Variants in CCSER2 observed in about 807,000 individuals in gnomAD.
CCSER2 encodes the protein coiled-coil serine rich protein 2, also known as serine-rich coiled-coil domain-containing protein 2.
CCSER2 carries 46 observed loss-of-function variants against 92.3 expected under a neutral mutation model. That is an observed-to-expected ratio of 0.50 (90% CI 0.39 to 0.64). The LOEUF (loss-of-function observed/expected upper bound fraction) is 0.64, where lower values mean the gene tolerates loss of function less well. Ranked by LOEUF, CCSER2 falls within the 30% of genes least tolerant of loss-of-function variation. The pLI is 0.00. For missense variants in CCSER2, 1,244 were observed against 1,238.9 expected (o/e 1.00, Z -0.06); for synonymous variants, 433 against 431.4 (o/e 1.00, Z -0.04).
chr10:84,347,467 C>A (rs1424096527), intron 1 of CCSER2, among the ~76,000 whole-genome samples: 1 of 149,896 alleles, frequency 6.7e-6, no homozygotes, highest in Non-Finnish European at 1.5e-5. Flanking sequence ...GCTGACCCCC[C>A]ACCTCCCTCC....
intron 1 of CCSER2, among the ~76,000 whole-genome samples, chr10:84,354,551 C>T (rs1845054104): frequency 7.2e-6 from 1 of 138,026 alleles, no homozygotes; most frequent in Admixed American, 7.3e-5. Context: ...CCCCCGCCCC[C>T]CGCCCCGCTT....
At chr10:84,499,763 G>A (rs765122456) in intron 9 of CCSER2, 13 of 939,718 alleles carry the variant, frequency 1.4e-5, no homozygotes, top group African/African-American at 8.2e-5. Context: ...CTGTCTTCTC[G>A]TTAACACTAT....
chr10:84,457,568 T>A lies in CCSER2; in HGVS notation c.2065-6365T>A, dbSNP rs58542399. On this transcript the variant is annotated intron_variant, in intron 6 of 9. Transcript: ENST00000372088. ...ATAATGTATATTATTATATATAAAT[T>A]TATATTTATATATTATATATAATTA... Among the ~76,000 whole-genome samples, 5 of 95,154 alleles carry A rather than the reference T, an allele frequency of 5.3e-5. No individual in the cohort carries two copies. In the South Asian group the frequency reaches 1.2e-3, roughly 22 times the overall value. The allele number at this position is 95,154 out of a possible 152,430, so 62.4% of individuals were successfully genotyped here.
chr10:84,436,228 A>T (rs1258869916), intron 5 of CCSER2, among the ~76,000 whole-genome samples: 1 of 145,608 alleles, frequency 6.9e-6, no homozygotes, highest in Non-Finnish European at 1.5e-5. Flanking sequence ...CGGGAGGCTG[A>T]GGCAGGAGAA....
chr10:84,377,291 A>G (rs1365154011), intron 3 of CCSER2, among the ~76,000 whole-genome samples: 4 of 152,068 alleles, frequency 2.6e-5, no homozygotes, highest in African/African-American at 9.7e-5. Flanking sequence ...ATATGTTTCA[A>G]TGTTTTGCTC....
chr10:84,476,668 C>A (rs908894514), intron 8 of CCSER2, among the ~76,000 whole-genome samples: 6 of 152,002 alleles, frequency 3.9e-5, no homozygotes, highest in African/African-American at 1.4e-4. Context: ...TGGTCTGCTT[C>A]TCCTGACCTC....
intron 9 of CCSER2, among the ~76,000 whole-genome samples, chr10:84,481,847 T>C (rs1320555800): frequency 6.6e-6 from 1 of 152,014 alleles, no homozygotes; most frequent in Non-Finnish European, 1.5e-5. Context: ...TATTCCAGAA[T>C]TGAGAATGCC....
intron 1 of CCSER2, among the ~76,000 whole-genome samples, chr10:84,331,038 G>A (rs1843536283): frequency 6.6e-6 from 1 of 152,126 alleles, no homozygotes; most frequent in African/African-American, 2.4e-5. Context: ...AGTTGTGAGC[G>A]ACTTGGATGT....
At chr10:84,395,192 C>G (rs1168978640) in intron 3 of CCSER2, among the ~76,000 whole-genome samples, 1 of 149,402 alleles carries the variant, frequency 6.7e-6, no homozygotes. Context: ...CCACTGCACT[C>G]CAGCCTGGGT....
chr10:84,395,119 G>A (rs890835806), intron 3 of CCSER2, among the ~76,000 whole-genome samples: 1 of 151,740 alleles, frequency 6.6e-6, no homozygotes, highest in African/African-American at 2.4e-5. Context: ...AGCTACTTGG[G>A]AAGCTGAGGT....
rs1373723182 is a variant in CCSER2 at position 84,514,118 on chromosome 10, G to C, written c.2995G>C (p.Glu999Gln). The part of the protein sequence containing the change: ...KQKQTNSPQL[E>Q]PQSFQAKTSI... ...AAAACAAACAAACAGCCCCCAACTA[G>C]AGCCTCAAAGCTTCCAGGCCAAGAC... The change falls in exon 10 of 10, where the codon GAG becomes CAG. Residue 999 changes from glutamate to glutamine, a missense_variant. Physicochemically the swap from Glu to Gln is conservative, Grantham distance 29. Coordinates refer to ENST00000372088, the MANE Select transcript of CCSER2 (RefSeq NM_001284240.2). The C allele has an allele frequency of 2.0e-6, 3 of 1,536,080 alleles. 1 individual carries two copies. Among genetic ancestry groups the C allele is most frequent in the South Asian group, 2.4e-5 (2 of 84,036 alleles).
chr10:84,437,650 C>T (rs964683859), intron 5 of CCSER2, among the ~76,000 whole-genome samples: 1 of 149,956 alleles, frequency 6.7e-6, no homozygotes, highest in Admixed American at 6.6e-5. Context: ...TATTTTTTTC[C>T]TTATTCAGCA....
At chr10:84,367,657 T>C (rs1169046366) in intron 1 of CCSER2, among the ~76,000 whole-genome samples, 3 of 152,030 alleles carry the variant, frequency 2.0e-5, no homozygotes, top group Non-Finnish European at 2.9e-5. Context: ...TCTTGTTACC[T>C]TAAGATTTTT....
At chr10:84,416,789 G>A (rs11594328) in intron 3 of CCSER2, among the ~76,000 whole-genome samples, 2 of 151,990 alleles carry the variant, frequency 1.3e-5, no homozygotes, top group Non-Finnish European at 2.9e-5. Context: ...AAATTAGCCA[G>A]GCATGGTGGT....
At chr10:84,414,098 T>G (rs1364173308) in intron 3 of CCSER2, among the ~76,000 whole-genome samples, 1 of 152,186 alleles carries the variant, frequency 6.6e-6, no homozygotes, top group Non-Finnish European at 1.5e-5. Context: ...GGCTAATTAT[T>G]TAGCTTGCCA....
At chr10:84,380,315 G>A (rs1359476460) in intron 3 of CCSER2, among the ~76,000 whole-genome samples, 1 of 152,014 alleles carries the variant, frequency 6.6e-6, no homozygotes. Context: ...TGATTTTTCA[G>A]TTGGGTTTTG....
intron 4 of CCSER2, among the ~76,000 whole-genome samples, chr10:84,420,053 T>G (rs947307268): frequency 6.6e-6 from 1 of 152,318 alleles, no homozygotes; most frequent in African/African-American, 2.4e-5. Flanking sequence ...TCGGAATAAA[T>G]CACATGCTAG....
At chr10:84,503,982 A>C (rs986582021) in intron 9 of CCSER2, among the ~76,000 whole-genome samples, 1 of 152,210 alleles carries the variant, frequency 6.6e-6, no homozygotes, top group African/African-American at 2.4e-5. Context: ...TTTATTTTAC[A>C]TGACAGCCCA....
At chr10:84,342,867 C>T (rs1844275327) in intron 1 of CCSER2, among the ~76,000 whole-genome samples, 1 of 152,134 alleles carries the variant, frequency 6.6e-6, no homozygotes, top group Non-Finnish European at 1.5e-5. Context: ...GCATCGTTCT[C>T]CTGTTTCTCT....
Sources: allele counts gnomAD v4.1 joint callset (sites outside exome capture counted in the v4.1 genomes callset), GRCh38; gene constraint gnomAD v4.1.1; transcripts MANE v1.5; gene names NCBI Gene and HGNC (gene_info 2026-07-23, HGNC 2026-07-21).